XIRP2: variants seen among roughly 807,000 people sequenced by gnomAD.
The protein encoded by XIRP2 is xin actin-binding repeat-containing protein 2.
A neutral mutation model predicts 277.0 loss-of-function variants in XIRP2; 236 were observed. That is an observed-to-expected ratio of 0.85 (90% confidence interval 0.77 to 0.95). XIRP2 has a LOEUF of 0.95. Among genes scored for constraint, XIRP2 ranks in the 40% least tolerant of loss-of-function variants. XIRP2 has a pLI of 0.00. For missense variants in XIRP2, 4,640 were observed against 4,157.5 expected, an observed-to-expected ratio of 1.12 and a Z score of -3.19; for synonymous variants, 1,490 against 1,416.5, an observed-to-expected ratio of 1.05 and a Z score of -1.17.
At chr2:166,955,533 G>A (rs555465695) in intron 2 of XIRP2, among the ~76,000 whole-genome samples, 3 of 151,674 alleles carry the variant, frequency 2.0e-5, no homozygotes, top group Non-Finnish European at 4.4e-5. Context: ...ACTACAAAAA[G>A]CATTGACCCA....
At chr2:167,078,449 T>C (rs1689632197) in intron 2 of XIRP2, among the ~76,000 whole-genome samples, 1 of 152,214 alleles carries the variant, frequency 6.6e-6, no homozygotes, top group African/African-American at 2.4e-5. Flanking sequence ...TTCCTATTTG[T>C]ATGCCTTTTA....
At chr2:167,046,868 C>G (rs770710541) in intron 2 of XIRP2, among the ~76,000 whole-genome samples, 2 of 151,730 alleles carry the variant, frequency 1.3e-5, no homozygotes, top group Non-Finnish European at 2.9e-5. Context: ...CACCAAACAC[C>G]AGCAACGTGG....
intron 2 of XIRP2, among the ~76,000 whole-genome samples, chr2:167,063,812 T>C (rs944989251): frequency 3.3e-5 from 5 of 151,638 alleles, no homozygotes. Context: ...TTGGTGTCTT[T>C]ATATTTTAAG....
At chr2:167,154,775 A>G (rs977903203) in intron 3 of XIRP2, among the ~76,000 whole-genome samples, 58 of 152,192 alleles carry the variant, frequency 3.8e-4, no homozygotes, top group African/African-American at 1.4e-3. Flanking sequence ...TAGAGACACA[A>G]AAAACCCTTC....
Position 167,242,225 on chromosome 2 carries a change from A to G in XIRP2, c.1176+315A>G, listed in dbSNP as rs79040861. Among the ~76,000 whole-genome samples the G allele has an allele frequency of 1.0e-3, 154 of 152,324 alleles. 3 individuals are homozygous for G. The highest frequency in any genetic ancestry group is 3.5e-3 in the African/African-American group (147 of 41,574). ...CTGTTTTAAATTCCAAGGAAAATGA[A>G]ACAACCCTCAAAAGTACTTTAAGAC... On this transcript the variant is annotated intron_variant, in intron 8 of 10. Transcript: ENST00000409195.
intron 2 of XIRP2, among the ~76,000 whole-genome samples, chr2:167,102,995 T>C (rs1690523810): frequency 6.6e-6 from 1 of 152,024 alleles, no homozygotes; most frequent in Non-Finnish European, 1.5e-5. Context: ...AAAAAATAGC[T>C]GGGCATGGTG....
chr2:167,073,894 G>A (rs1048055594), intron 2 of XIRP2, among the ~76,000 whole-genome samples: 1 of 152,124 alleles, frequency 6.6e-6, no homozygotes. Context: ...GTCAAAGCAA[G>A]TCTTAAGTTT....
Position 167,247,200 on chromosome 2 carries a change from C to A in XIRP2, c.5808C>A (p.Phe1936Leu). ...LRSLKEAQRS[F>L]KEVHKEGVIK... Reference sequence around the variant, plus strand: ...CTTTGAAAGAAGCACAAAGAAGTTTCAAAGAGGTACATAAAGAAGGTGTAA... The same window carrying A: ...CTTTGAAAGAAGCACAAAGAAGTTTAAAAGAGGTACATAAAGAAGGTGTAA... Residue 1936 changes from phenylalanine (F) to leucine (L), a missense_variant, in exon 9 of 11, where the codon TTC becomes TTA. Phe to Leu is a conservative substitution (Grantham distance 22). Transcript: ENST00000409195. The A allele has an allele frequency of 6.2e-7, 1 of 1,613,404 alleles. No individual in the cohort carries two copies. The highest frequency in any genetic ancestry group is 8.5e-7 in the Non-Finnish European group (1 of 1,179,752).
chr2:167,245,346 C>T lies in XIRP2; in HGVS notation c.3954C>T (p.Thr1318=). 6.2e-7 allele frequency: 1 copy of T among 1,613,464 alleles called. No individual in the cohort carries two copies. The highest frequency in any genetic ancestry group is 1.3e-5 in the African/African-American group (1 of 74,912). The change falls in exon 9 of 11, where the codon ACC becomes ACT. Residue 1318 remains threonine (T), a synonymous_variant. Coordinates refer to ENST00000409195, the MANE Select transcript of XIRP2 (RefSeq NM_152381.6). ...AAAGCTACAGAATGCTCTTTGAAAC[C>T]CAGCCACTCTATGCAATTCAAGACC... The part of the protein sequence containing the change: ...DVKSYRMLFE[T]QPLYAIQDRE...
intron 3 of XIRP2, among the ~76,000 whole-genome samples, chr2:167,174,056 G>T (rs1295926495): frequency 6.6e-6 from 1 of 152,174 alleles, no homozygotes; most frequent in Non-Finnish European, 1.5e-5. Context: ...GTTCATCAGG[G>T]ATATGGGCCT....
chr2:167,232,779 G>A (rs1460185876), intron 5 of XIRP2, among the ~76,000 whole-genome samples: 3 of 151,902 alleles, frequency 2.0e-5, no homozygotes, highest in Non-Finnish European at 4.4e-5. Context: ...ATGGATGCAT[G>A]AGAGGTCTAA....
intron 2 of XIRP2, among the ~76,000 whole-genome samples, chr2:167,093,640 A>G (rs113561042): frequency 0.031 from 4,790 of 152,184 alleles, 103 homozygotes; most frequent in East Asian, 0.05. Context: ...CTGCAAAGAA[A>G]TGAACTCATT....
At chr2:167,201,218 GAAAGAAAGAAAGAAA>G (rs1693687578) in intron 3 of XIRP2, among the ~76,000 whole-genome samples, 4 of 101,694 alleles carry the variant, frequency 3.9e-5, no homozygotes, top group Non-Finnish European at 3.6e-5. Flanking sequence ...AAGAAAGAAA[GAAAGAAAGAAAGAAA>G]GAAAGAAAGA....
chr2:166,894,693 C>T (rs2105328249), intron 1 of XIRP2, among the ~76,000 whole-genome samples: 1 of 152,088 alleles, frequency 6.6e-6, no homozygotes, highest in African/African-American at 2.4e-5. Flanking sequence ...TTAATTGAGC[C>T]CCAATTTTGT....
At chr2:166,906,821 G>A (rs900777169) in intron 2 of XIRP2, among the ~76,000 whole-genome samples, 1 of 152,042 alleles carries the variant, frequency 6.6e-6, no homozygotes, top group African/African-American at 2.4e-5. Flanking sequence ...AGCTGGCTTG[G>A]GAGTCTGAGT....
intron 2 of XIRP2, among the ~76,000 whole-genome samples, chr2:166,995,724 G>A (rs184421817): frequency 6.6e-6 from 1 of 152,284 alleles, no homozygotes; most frequent in Admixed American, 6.5e-5. Flanking sequence ...TTCTTAGCAG[G>A]TGTAGAGCAT....
At position 167,117,837 on chromosome 2, in the gene XIRP2, A is replaced by G. The variant is rs185034554; in HGVS notation, c.409-18072A>G. Among the ~76,000 whole-genome samples, 39 of 152,320 alleles carry G rather than the reference A, an allele frequency of 2.6e-4. No individual in the cohort carries two copies. In the East Asian group the frequency reaches 7.1e-3, roughly 28 times the overall value. ...TTTACTCTAGGTTTGTCATGAGCTA[A>G]CATTTGGAAATTATTTTTTGTGTTA... On this transcript the variant is annotated intron_variant, in intron 2 of 10. Coordinates refer to ENST00000409195, the MANE Select transcript of XIRP2 (RefSeq NM_152381.6).
intron 2 of XIRP2, among the ~76,000 whole-genome samples, chr2:167,009,346 A>C (rs913538979): frequency 2.6e-5 from 4 of 151,724 alleles, no homozygotes; most frequent in Non-Finnish European, 5.9e-5. Flanking sequence ...TATTTTGCTG[A>C]GAATGATGCT....
At chr2:166,995,001 CCT>C (rs1425533391) in intron 2 of XIRP2, among the ~76,000 whole-genome samples, 1 of 151,840 alleles carries the variant, frequency 6.6e-6, no homozygotes, top group Non-Finnish European at 1.5e-5. Context: ...CCTGCCTCAG[CCT>C]CCCTAGAAGC....
Sources: allele counts gnomAD v4.1 joint callset (sites outside exome capture counted in the v4.1 genomes callset), GRCh38; gene constraint gnomAD v4.1.1; transcripts MANE v1.5; gene names NCBI Gene and HGNC (gene_info 2026-07-23, HGNC 2026-07-21).